The following EGFLAM variants were observed in gnomAD, a reference collection of about 807,000 sequenced individuals.
EGFLAM encodes pikachurin.
A neutral mutation model predicts 113.1 loss-of-function variants in EGFLAM; 79 were observed. That is an observed-to-expected ratio of 0.70 (90% CI 0.58 to 0.84). The LOEUF (loss-of-function observed/expected upper bound fraction) is 0.84. Ranked by LOEUF, EGFLAM falls within the 40% of genes least tolerant of loss-of-function variation. EGFLAM has a pLI of 0.00. For synonymous variants in EGFLAM, 504 were observed against 487.6 expected (o/e 1.03, Z -0.44); for missense variants, 1,265 against 1,291.6 (o/e 0.98, Z 0.32).
intron 10 of EGFLAM, among the ~76,000 whole-genome samples, chr5:38,411,256 C>T (rs1341063422): frequency 2.6e-5 from 4 of 152,050 alleles, no homozygotes; most frequent in African/African-American, 4.8e-5. Context: ...GGCGAAACCA[C>T]GTCTCTACTA....
intron 14 of EGFLAM, 28 bp downstream of exon 14, chr5:38,427,280 T>G (rs1317100855): frequency 6.2e-7 from 1 of 1,604,988 alleles, no homozygotes; most frequent in Admixed American, 1.7e-5. Context: ...CTGGGACTCT[T>G]TCCCTTAAAA....
chr5:38,463,182 G>C (rs1743348604), intron 21 of EGFLAM, among the ~76,000 whole-genome samples, 171 bp downstream of exon 21: 1 of 152,108 alleles, frequency 6.6e-6, no homozygotes, highest in African/African-American at 2.4e-5. Flanking sequence ...TGGCTGAGGG[G>C]GCAGGAAGGG....
chr5:38,376,766 G>A (rs1042852747), intron 6 of EGFLAM, among the ~76,000 whole-genome samples: 2 of 152,100 alleles, frequency 1.3e-5, no homozygotes, highest in Non-Finnish European at 2.9e-5. Flanking sequence ...CACCTCCCGG[G>A]CTCAAGTGAT....
intron 6 of EGFLAM, among the ~76,000 whole-genome samples, chr5:38,396,063 T>TTTTTTTTTTTTTTTTTTTTTTTTTTTG (rs1482050151): frequency 2.0e-5 from 3 of 151,964 alleles, no homozygotes; most frequent in African/African-American, 7.3e-5. Context: ...ACCCACTCTT[T>TTTTTTTTTTTTTTTTTTTTTTTTTTTG]AAAAGCCTCC....
chr5:38,350,618 G>A lies in EGFLAM; in HGVS notation c.409G>A (p.Asp137Asn), dbSNP rs766889621. ...TCGGCATGTCACCACTTTGTCCCAAGGTAAAGTAGGTTCAAATTCATTAAT... is the reference window on the plus strand; with the variant it reads ...TCGGCATGTCACCACTTTGTCCCAAAGTAAAGTAGGTTCAAATTCATTAAT... ...SPRHVTTLSQ[D>N]SCLPPAAPQQ... The change falls in exon 4 of 22, where the codon GAT becomes AAT. Residue 137 changes from aspartate to asparagine, a missense_variant and splice_region_variant. Asp to Asn is a conservative substitution (Grantham distance 23, BLOSUM62 1). Coordinates refer to ENST00000322350, the MANE Select transcript of EGFLAM (RefSeq NM_152403.4). The A allele has an allele frequency of 6.2e-7, 1 of 1,612,708 alleles. No individual in the cohort carries two copies. Among genetic ancestry groups the A allele is most frequent in the Admixed American group, 1.7e-5 (1 of 59,646 alleles).
chr5:38,258,576 T>A lies in EGFLAM; in HGVS notation c.-179T>A. On this transcript the variant is annotated 5_prime_UTR_variant, in exon 1 of 22. Coordinates refer to ENST00000322350, the MANE Select transcript of EGFLAM (RefSeq NM_152403.4). ...CCGGCTTCACTCGCGCACGCCGACCTCCCGGCTGCAGTCCTACCTCTTGGA... is the reference window on the plus strand; with the variant it reads ...CCGGCTTCACTCGCGCACGCCGACCACCCGGCTGCAGTCCTACCTCTTGGA... The A allele has an allele frequency of 1.7e-6, 1 of 599,446 alleles. No homozygotes were observed. The highest frequency in any genetic ancestry group is 2.9e-6 in the Non-Finnish European group (1 of 345,936). The allele number at this position is 599,446 out of a possible 1,614,324, so 37.1% of individuals were successfully genotyped here.
At chr5:38,392,620 CT>C (rs548367655) in intron 6 of EGFLAM, among the ~76,000 whole-genome samples, 4 of 145,466 alleles carry the variant, frequency 2.7e-5, no homozygotes, top group African/African-American at 1.1e-4. Context: ...AGAATCTATT[CT>C]TTTTTTTTGG....
At chr5:38,302,934 T>G (rs1376785526) in intron 1 of EGFLAM, among the ~76,000 whole-genome samples, 1 of 152,166 alleles carries the variant, frequency 6.6e-6, no homozygotes, top group Non-Finnish European at 1.5e-5. Context: ...TCCTCATGCC[T>G]TAACAGCCCA....
chr5:38,264,460 T>G (rs896379540), intron 1 of EGFLAM, among the ~76,000 whole-genome samples: 1 of 152,158 alleles, frequency 6.6e-6, no homozygotes, highest in Non-Finnish European at 1.5e-5. Flanking sequence ...TTGTGGGCAA[T>G]ACATCTTGTT....
chr5:38,401,605 G>A (rs937746497), intron 6 of EGFLAM, among the ~76,000 whole-genome samples: 1 of 152,164 alleles, frequency 6.6e-6, no homozygotes, highest in African/African-American at 2.4e-5. Flanking sequence ...CCACCATGTT[G>A]AGCAAGGGCA....
chr5:38,386,846 G>A (rs1430200532), intron 6 of EGFLAM, among the ~76,000 whole-genome samples: 1 of 152,148 alleles, frequency 6.6e-6, no homozygotes, highest in Non-Finnish European at 1.5e-5. Flanking sequence ...AAAGAGCTGA[G>A]ACAGCCCTTG....
chr5:38,370,161 A>G (rs1007770271), intron 5 of EGFLAM, 135 bp from the exon 6 acceptor site: 1 of 875,294 alleles, frequency 1.1e-6, no homozygotes, highest in Non-Finnish European at 1.7e-6. Context: ...GATTACTTTC[A>G]GATAGGAAAT....
intron 1 of EGFLAM, among the ~76,000 whole-genome samples, chr5:38,285,046 CGAG>C (rs1758122603): frequency 6.6e-6 from 1 of 152,134 alleles, no homozygotes; most frequent in Non-Finnish European, 1.5e-5. Context: ...ACTCTCTTGT[CGAG>C]TCCAATTTGG....
chr5:38,325,412 G>A (rs1483089974), intron 1 of EGFLAM, among the ~76,000 whole-genome samples: 1 of 152,186 alleles, frequency 6.6e-6, no homozygotes, highest in East Asian at 1.9e-4. Context: ...GTAGTAACCA[G>A]CAGGACAAAG....
At chr5:38,444,825 G>T (rs896363866) in intron 17 of EGFLAM, among the ~76,000 whole-genome samples, 1 of 152,082 alleles carries the variant, frequency 6.6e-6, no homozygotes, top group African/African-American at 2.4e-5. Flanking sequence ...CATGCCTATA[G>T]TCCCAGCTAC....
At chr5:38,375,805 G>C (rs1740350713) in intron 6 of EGFLAM, among the ~76,000 whole-genome samples, 2 of 152,130 alleles carry the variant, frequency 1.3e-5, no homozygotes, top group African/African-American at 4.8e-5. Context: ...AGTTCGTGCA[G>C]TGTCCACATC....
At chr5:38,277,953 G>A (rs1443075406) in intron 1 of EGFLAM, among the ~76,000 whole-genome samples, 1 of 152,014 alleles carries the variant, frequency 6.6e-6, no homozygotes, top group East Asian at 1.9e-4. Context: ...TTGTTAAAAT[G>A]TCCATAATAC....
intron 1 of EGFLAM, among the ~76,000 whole-genome samples, chr5:38,297,942 G>A (rs991102798): frequency 1.3e-5 from 2 of 152,192 alleles, no homozygotes; most frequent in Admixed American, 1.3e-4. Flanking sequence ...CATTACTGTC[G>A]TAAGGACAAT....
rs759266804 is a variant in EGFLAM, at chr5:38,431,187, C to T, written c.2065C>T (p.Pro689Ser). The change falls in exon 15 of 22, where the codon CCC (proline) becomes TCC (serine). Residue 689 changes from proline (P) to serine (S), a missense_variant. Physicochemically the swap from Pro to Ser is moderately conservative, Grantham distance 74. Coordinates refer to ENST00000322350, the MANE Select transcript of EGFLAM (RefSeq NM_152403.4). ...SGTGVLRSED[P>S]LTLGNWHELR... ...ATCTTCCTTCCACAGGAGTGAAGATCCCCTCACCCTGGGCAACTGGCACGA... is the reference window on the plus strand; with the variant it reads ...ATCTTCCTTCCACAGGAGTGAAGATTCCCTCACCCTGGGCAACTGGCACGA... 1.2e-6 allele frequency: 2 copies of T among 1,614,082 alleles called. No individual in the cohort carries two copies. The highest frequency in any genetic ancestry group is 1.1e-5 in the South Asian group (1 of 91,060).
Sources: gnomAD v4.1 joint callset for allele counts (sites outside exome capture counted in the v4.1 genomes callset) on GRCh38, gnomAD v4.1.1 for gene constraint, MANE v1.5 for transcripts, NCBI Gene and HGNC (gene_info 2026-07-23, HGNC 2026-07-21) for gene names.